DLC1: variants seen among roughly 807,000 people sequenced by gnomAD.
The protein encoded by DLC1 is DLC1 Rho GTPase activating protein.
Under a neutral mutation model 140.3 loss-of-function variants are expected in DLC1, and 54 were observed. The ratio of observed to expected loss-of-function variants is 0.38; its 90% CI spans 0.31 to 0.48. The LOEUF (loss-of-function observed/expected upper bound fraction) is 0.48. DLC1 is among the 20% of genes least tolerant of loss of function. The pLI, the probability that DLC1 is intolerant of heterozygous loss-of-function variation, is 0.96. For synonymous variants in DLC1, 986 were observed against 728.1 expected (o/e 1.35, Z -5.70); for missense variants, 2,536 against 1,907.0 (o/e 1.33, Z -6.14).
At chr8:13,567,154 C>G (rs769191641) in intron 1 of DLC1, 34 of 1,551,600 alleles carry the variant, frequency 2.2e-5, no homozygotes, top group Non-Finnish European at 2.7e-5. Context: ...TGGGAGCAAA[C>G]TGGAGAGGGA....
At chr8:13,355,951 A>C (rs1033093105) in intron 4 of DLC1, among the ~76,000 whole-genome samples, 3 of 151,618 alleles carry the variant, frequency 2.0e-5, no homozygotes, top group Non-Finnish European at 4.4e-5. Flanking sequence ...TTAGCCAGGC[A>C]TAGTGGCGGG....
At chr8:13,183,623 G>T (rs1196270287) in intron 5 of DLC1, among the ~76,000 whole-genome samples, 1 of 152,134 alleles carries the variant, frequency 6.6e-6, no homozygotes, top group African/African-American at 2.4e-5. Context: ...TACGTTTATT[G>T]ATTTGCGTAT....
chr8:13,525,968 G>A (rs1001585399), intron 1 of DLC1, among the ~76,000 whole-genome samples: 2 of 152,032 alleles, frequency 1.3e-5, no homozygotes, highest in African/African-American at 4.8e-5. Context: ...TTACACCTAG[G>A]TTCTATGACA....
At chr8:13,221,172 C>G (rs553817266) in intron 5 of DLC1, among the ~76,000 whole-genome samples, 3 of 152,224 alleles carry the variant, frequency 2.0e-5, no homozygotes, top group African/African-American at 4.8e-5. Flanking sequence ...ACAAACAAAA[C>G]AAATGCTGGG....
intron 5 of DLC1, among the ~76,000 whole-genome samples, chr8:13,268,871 C>G (rs1464815721): frequency 2.1e-5 from 3 of 146,022 alleles, no homozygotes; most frequent in East Asian, 4.0e-4. Flanking sequence ...GTGCTTCCTT[C>G]CTTTTTTTTT....
intron 9 of DLC1, 31 bp from the exon 10 acceptor site, chr8:13,098,606 T>G: frequency 6.3e-7 from 1 of 1,586,156 alleles, no homozygotes; most frequent in Non-Finnish European, 8.6e-7. Flanking sequence ...AAAATGAGTG[T>G]GAAGCCTTTT....
intron 5 of DLC1, among the ~76,000 whole-genome samples, chr8:13,283,418 C>T (rs184131285): frequency 2.0e-5 from 3 of 152,100 alleles, no homozygotes; most frequent in Admixed American, 6.5e-5. Flanking sequence ...AATAGATAAG[C>T]GTGACCATTG....
intron 5 of DLC1, chr8:13,276,436 G>C: frequency 4.2e-6 from 6 of 1,427,486 alleles, no homozygotes; most frequent in Non-Finnish European, 5.5e-6. Context: ...CCCGGGCGCC[G>C]CGACCATGCC....
rs890964027 is a variant in DLC1 at position 13,231,219 on chromosome 8, G to GA, written c.1348+74049dup. Reference sequence around the variant, plus strand: ...GCCTTTTAAATCCTGACAGGAAGATGAAAAAAAAAAAATCAAGTGCGGGAT... The same window carrying GA: ...GCCTTTTAAATCCTGACAGGAAGATGAAAAAAAAAAAAATCAAGTGCGGGAT... On this transcript the variant is annotated intron_variant, in intron 5 of 17. Coordinates refer to ENST00000276297, the MANE Select transcript of DLC1 (RefSeq NM_182643.3). Among the ~76,000 whole-genome samples, 207 of 144,134 alleles carry GA rather than the reference G, an allele frequency of 1.4e-3. 1 individual carries two copies. The highest frequency in any genetic ancestry group is 5.0e-3 in the East Asian group (25 of 4,992). 94.6% of individuals were successfully genotyped at this position (144,134 alleles called of 152,430 possible). A position where few individuals can be genotyped will look rare whatever the true frequency, so the allele number is the denominator to read the frequency against.
At chr8:13,240,497 C>G (rs1431796639) in intron 5 of DLC1, among the ~76,000 whole-genome samples, 2 of 152,194 alleles carry the variant, frequency 1.3e-5, no homozygotes, top group Non-Finnish European at 2.9e-5. Context: ...CACAGCTCAG[C>G]TCACTGCAGC....
At chr8:13,404,444 C>T (rs1407817701) in intron 2 of DLC1, among the ~76,000 whole-genome samples, 1 of 151,790 alleles carries the variant, frequency 6.6e-6, no homozygotes, top group East Asian at 1.9e-4. Context: ...GGGTAGGGGG[C>T]CAGAAGGATA....
At chr8:13,357,614 G>T (rs1835008555) in intron 4 of DLC1, among the ~76,000 whole-genome samples, 1 of 152,214 alleles carries the variant, frequency 6.6e-6, no homozygotes, top group Non-Finnish European at 1.5e-5. Flanking sequence ...TTTAGCAAGG[G>T]TTGTGAAATT....
At chr8:13,206,368 G>T (rs141971101) in intron 5 of DLC1, among the ~76,000 whole-genome samples, 34 of 152,224 alleles carry the variant, frequency 2.2e-4, no homozygotes, top group African/African-American at 6.0e-4. Flanking sequence ...CATGTAAAAG[G>T]TTTGGAATAT....
chr8:13,304,866 G>T, intron 5 of DLC1: 2 of 987,494 alleles, frequency 2.0e-6, no homozygotes, highest in Non-Finnish European at 2.4e-6. Flanking sequence ...TGATAGTATG[G>T]CATCAGCTTT....
chr8:13,093,906 T>C (rs771412668), intron 12 of DLC1, among the ~76,000 whole-genome samples: 7 of 152,248 alleles, frequency 4.6e-5, no homozygotes, highest in Non-Finnish European at 8.8e-5. Context: ...TGATCATTAA[T>C]TTCGACAACT....
At chr8:13,357,808 C>T (rs747999848) in intron 4 of DLC1, among the ~76,000 whole-genome samples, 2 of 152,106 alleles carry the variant, frequency 1.3e-5, no homozygotes, top group Non-Finnish European at 1.5e-5. Context: ...TTTTTCAATG[C>T]TGTGTGAATA....
chr8:13,169,542 A>G (rs1825319113), intron 5 of DLC1, among the ~76,000 whole-genome samples: 1 of 152,152 alleles, frequency 6.6e-6, no homozygotes, highest in East Asian at 1.9e-4. Flanking sequence ...TGGTCAAGTG[A>G]GGGGGTACTT....
chr8:13,223,071 C>A (rs1828635162), intron 5 of DLC1, among the ~76,000 whole-genome samples: 1 of 152,018 alleles, frequency 6.6e-6, no homozygotes, highest in Non-Finnish European at 1.5e-5. Context: ...TTTTGAAATT[C>A]TAGTTCTATC....
intron 5 of DLC1, among the ~76,000 whole-genome samples, chr8:13,178,771 A>C (rs1288001652): frequency 6.6e-6 from 1 of 152,166 alleles, no homozygotes; most frequent in Non-Finnish European, 1.5e-5. Flanking sequence ...GAATGGCTAA[A>C]ATGAAACAGA....
Sources: gnomAD v4.1 joint callset for allele counts (sites outside exome capture counted in the v4.1 genomes callset) on GRCh38, gnomAD v4.1.1 for gene constraint, MANE v1.5 for transcripts, NCBI Gene and HGNC (gene_info 2026-07-23, HGNC 2026-07-21) for gene names.